ARMS2: variants seen among roughly 807,000 people sequenced by gnomAD.
The protein encoded by ARMS2 is age-related maculopathy susceptibility protein 2.
ARMS2 carries 4 observed loss-of-function variants against 6.0 expected under a neutral mutation model. The observed-to-expected ratio is 0.67, with a 90% CI of 0.33 to 1.53. The LOEUF is 1.53. Among genes scored for constraint, ARMS2 ranks in the 40% most tolerant of loss-of-function variants. The pLI is 0.06. For missense variants in ARMS2, 99 were observed against 127.6 expected (o/e 0.78, Z 1.08); for synonymous variants, 49 against 51.7 (o/e 0.95, Z 0.22).
In ARMS2 at chr10:122,457,120, C is replaced by T; in HGVS notation, c.*187C>T. 1.0e-5 allele frequency: 7 copies of T among 683,868 alleles called. No individual in the cohort carries two copies. Among genetic ancestry groups the T allele is most frequent in the Non-Finnish European group, 1.7e-5 (7 of 415,392 alleles). 42.4% of individuals were successfully genotyped at this position (683,868 alleles called of 1,614,324 possible). On this transcript the variant is annotated 3_prime_UTR_variant, in exon 2 of 2. Transcript: ENST00000528446. Reference sequence around the variant, plus strand: ...GGCCACACTGTGCAACCTGGAATTTCCCCACCTGGGCGGACTCATCACGTC... The same window carrying T: ...GGCCACACTGTGCAACCTGGAATTTTCCCACCTGGGCGGACTCATCACGTC...
chr10:122,455,958 G>C (rs2097476796), intron 1 of ARMS2, among the ~76,000 whole-genome samples: 1 of 152,034 alleles, frequency 6.6e-6, no homozygotes, highest in African/African-American at 2.4e-5. Context: ...CTTTACCATG[G>C]AGAGTGAAAA....
chr10:122,457,200 C>T lies in ARMS2; in HGVS notation c.*267C>T. On this transcript the variant is annotated 3_prime_UTR_variant, in exon 2 of 2. Transcript: ENST00000528446. ...TGCAGCTGGTGAAATCTTTCTCAAC[C>T]CTTGAGATGCAGCCCAATCTTCTCC... The T allele has an allele frequency of 2.5e-6, 1 of 402,400 alleles. No homozygotes were observed. Among genetic ancestry groups the T allele is most frequent in the Non-Finnish European group, 4.4e-6 (1 of 227,460 alleles). 24.9% of individuals were successfully genotyped at this position (402,400 alleles called of 1,614,324 possible). A position where few individuals can be genotyped will look rare whatever the true frequency, so the allele number is the denominator to read the frequency against.
chr10:122,456,612 C>T (rs538540067), intron 1 of ARMS2, among the ~76,000 whole-genome samples: 195 of 151,412 alleles, frequency 1.3e-3, no homozygotes, highest in Non-Finnish European at 2.5e-3. Flanking sequence ...CAAGACCGCA[C>T]CACTGCACTC....
At chr10:122,456,850 T>G in intron 1 of ARMS2, 57 bp from the exon 2 acceptor site, 1 of 1,508,558 alleles carries the variant, frequency 6.6e-7, no homozygotes, top group Non-Finnish European at 8.8e-7. Flanking sequence ...CTCCTCAACC[T>G]AAAATATCGT....
Position 122,455,076 on chromosome 10 carries a change from T to C in ARMS2, c.297+52T>C, listed in dbSNP as rs2097476170. 26 of 1,025,220 alleles carry C rather than the reference T, an allele frequency of 2.5e-5. No homozygotes were observed. In the South Asian group the frequency reaches 3.8e-4, roughly 15 times the overall value. The allele number at this position is 1,025,220 out of a possible 1,614,324, so 63.5% of individuals were successfully genotyped here. A position where few individuals can be genotyped will look rare whatever the true frequency, so the allele number is the denominator to read the frequency against. ...ACCCCAGACCTATTGAATCAGAAAT[T>C]CTGGAGTGGTGCCCTGCAGCTTGCA... On this transcript the variant is annotated intron_variant, in intron 1 of 1. Transcript: ENST00000528446.
At chr10:122,456,799 A>T (rs759505451) in intron 1 of ARMS2, 108 bp from the exon 2 acceptor site, 1 of 1,463,874 alleles carries the variant, frequency 6.8e-7, no homozygotes, top group Non-Finnish European at 9.2e-7. Flanking sequence ...TTCTTACCCT[A>T]TTGAGTTACA....
intron 1 of ARMS2, among the ~76,000 whole-genome samples, chr10:122,455,776 C>T (rs1405957152): frequency 2.0e-5 from 3 of 152,086 alleles, no homozygotes; most frequent in Admixed American, 6.6e-5. Context: ...AAAATTCTGG[C>T]TCATAATGTC....
rs7915705 is a variant in ARMS2, at chr10:122,457,095, G to A, written c.*162G>A. 87 of 895,376 alleles carry A rather than the reference G, an allele frequency of 9.7e-5. 1 individual carries two copies. The highest frequency in any genetic ancestry group is 9.5e-4 in the East Asian group (35 of 37,018). The allele number at this position is 895,376 out of a possible 1,614,324, so 55.5% of individuals were successfully genotyped here. On this transcript the variant is annotated 3_prime_UTR_variant, in exon 2 of 2. Coordinates refer to ENST00000528446, the MANE Select transcript of ARMS2 (RefSeq NM_001099667.3). ...TCCACAGGACTCTCTTCCCACCTGC[G>A]GCCACACTGTGCAACCTGGAATTTC...
At position 122,454,955 on chromosome 10, in the gene ARMS2, C is replaced by T; in HGVS notation, c.228C>T (p.Cys76=). The change falls in exon 1 of 2, where the codon TGC becomes TGT. Residue 76 remains cysteine (C), a synonymous_variant. Transcript: ENST00000528446. ...CTGCTAAAATCCACACTGAGCTCTG[C>T]TTACCAGCCTTCTTCTCTCCTGCTG... The part of the protein sequence containing the change: ...IPAAKIHTEL[C]LPAFFSPAGT... The T allele has an allele frequency of 6.2e-7, 1 of 1,613,894 alleles. No individual in the cohort carries two copies.
At chr10:122,455,482 CT>C (rs1435957738) in intron 1 of ARMS2, among the ~76,000 whole-genome samples, 1 of 152,024 alleles carries the variant, frequency 6.6e-6, no homozygotes, top group Non-Finnish European at 1.5e-5. Context: ...CTCATTTTTC[CT>C]GCTCATTTAT....
chr10:122,456,875 A>G lies in ARMS2; in HGVS notation c.298-32A>G, dbSNP rs372335995. The G allele has an allele frequency of 1.5e-3, 2,309 of 1,550,026 alleles. 39 individuals are homozygous for G. In the African/African-American group the frequency reaches 0.027, roughly 18 times the overall value. ...TAAAATATCGTCATGTGTCTTTAAA[A>G]ATGCATATTACTAAATCTATTTTTT... is the stretch of plus-strand genomic sequence containing the variant. On this transcript the variant is annotated intron_variant, in intron 1 of 1. Transcript: ENST00000528446.
At chr10:122,455,180 G>A (rs1257830373) in intron 1 of ARMS2, among the ~76,000 whole-genome samples, 156 bp downstream of exon 1, 1 of 152,232 alleles carries the variant, frequency 6.6e-6, no homozygotes, top group Non-Finnish European at 1.5e-5. Flanking sequence ...AGGCAATTCA[G>A]CCTTCCTCTG....
rs376890266 is a variant in ARMS2, at chr10:122,454,726, A to G, written c.-2A>G. On this transcript the variant is annotated 5_prime_UTR_variant, in exon 1 of 2. Transcript: ENST00000528446. ...TCACCACATTATGTCCCTGTACCCT[A>G]CATGCTGCGCCTATACCCAGGACCG... 1.2e-6 allele frequency: 2 copies of G among 1,613,486 alleles called. No individual in the cohort carries two copies. Among genetic ancestry groups the G allele is most frequent in the African/African-American group, 2.7e-5 (2 of 74,904 alleles).
In ARMS2 at chr10:122,456,842, C is replaced by T. The variant is rs1591018522; in HGVS notation, c.298-65C>T. On this transcript the variant is annotated intron_variant, in intron 1 of 1. Coordinates refer to ENST00000528446, the MANE Select transcript of ARMS2 (RefSeq NM_001099667.3). The stretch of plus-strand genomic sequence containing the variant: ...CATCTTCAACTTAATTTAAAGTGCT[C>T]CTCAACCTAAAATATCGTCATGTGT... The T allele has an allele frequency of 5.2e-6, 8 of 1,537,918 alleles. No homozygotes were observed. The East Asian group carries it at 2.0e-4, about 38-fold the overall frequency.
rs1466439612 is a variant in ARMS2, at chr10:122,454,959, C to G, written c.232C>G (p.Pro78Ala). The G allele has an allele frequency of 5.6e-6, 9 of 1,613,738 alleles. No individual in the cohort carries two copies. Among genetic ancestry groups the G allele is most frequent in the Non-Finnish European group, 7.6e-6 (9 of 1,179,816 alleles). ...TAAAATCCACACTGAGCTCTGCTTA[C>G]CAGCCTTCTTCTCTCCTGCTGGAAC... ...AAKIHTELCL[P>A]AFFSPAGTQR... The change falls in exon 1 of 2, where the codon CCA (proline) becomes GCA (alanine). Residue 78 changes from proline (P) to alanine (A), a missense_variant. Pro to Ala is a conservative substitution (Grantham distance 27). Coordinates refer to ENST00000528446, the MANE Select transcript of ARMS2 (RefSeq NM_001099667.3).
intron 1 of ARMS2, among the ~76,000 whole-genome samples, chr10:122,455,928 T>G (rs940457842): frequency 6.6e-6 from 1 of 152,080 alleles, no homozygotes; most frequent in African/African-American, 2.4e-5. Flanking sequence ...GGGCTCTGTT[T>G]GAATTGTATC....
Position 122,456,893 on chromosome 10 carries a change from T to C in ARMS2, c.298-14T>C, listed in dbSNP as rs1026881190. On this transcript the variant is annotated splice_polypyrimidine_tract_variant and intron_variant, in intron 1 of 1. Transcript: ENST00000528446. ...CTTTAAAAATGCATATTACTAAATC[T>C]ATTTTTTTTTCAGTCTATCATCCAC... is the stretch of plus-strand genomic sequence containing the variant. The C allele has an allele frequency of 1.3e-6, 2 of 1,543,888 alleles. No individual in the cohort carries two copies. Among genetic ancestry groups the C allele is most frequent in the African/African-American group, 2.7e-5 (2 of 72,794 alleles).
chr10:122,456,757 T>A, intron 1 of ARMS2, 150 bp from the exon 2 acceptor site: 1 of 1,209,814 alleles, frequency 8.3e-7, no homozygotes. Flanking sequence ...AGAAATAAAT[T>A]AATTGTTACA....
chr10:122,454,717 C>T lies in ARMS2; in HGVS notation c.-11C>T, dbSNP rs774034419. ...GCACCTTTGTCACCACATTATGTCC[C>T]TGTACCCTACATGCTGCGCCTATAC... On this transcript the variant is annotated 5_prime_UTR_variant, in exon 1 of 2. Transcript: ENST00000528446. 1.2e-6 allele frequency: 2 copies of T among 1,613,050 alleles called. No individual in the cohort carries two copies. The highest frequency in any genetic ancestry group is 1.7e-6 in the Non-Finnish European group (2 of 1,179,606).
Sources: allele counts gnomAD v4.1 joint callset (sites outside exome capture counted in the v4.1 genomes callset), GRCh38; gene constraint gnomAD v4.1.1; transcripts MANE v1.5; gene names NCBI Gene and HGNC (gene_info 2026-07-23, HGNC 2026-07-21).